LRBA: variants seen among roughly 807,000 people sequenced by gnomAD.
The protein encoded by LRBA is lipopolysaccharide-responsive and beige-like anchor protein.
In LRBA, 176 loss-of-function variants were observed where a neutral mutation model predicts 330.0. The ratio of observed to expected loss-of-function variants is 0.53; its 90% CI spans 0.47 to 0.60. The LOEUF (loss-of-function observed/expected upper bound fraction) is 0.60, where lower values mean the gene tolerates loss of function less well. Among genes scored for constraint, LRBA ranks in the 20% least tolerant of loss-of-function variants. LRBA has a pLI of 0.00. For missense variants in LRBA, 3,259 were observed against 3,444.8 expected (o/e 0.95, Z 1.35); for synonymous variants, 1,230 against 1,193.0 (o/e 1.03, Z -0.64).
chr4:150,267,351 G>T (rs1312512755), intron 56 of LRBA, among the ~76,000 whole-genome samples: 1 of 152,070 alleles, frequency 6.6e-6, no homozygotes, highest in Non-Finnish European at 1.5e-5. Context: ...GATCATAATA[G>T]AATGAAACTA....
intron 23 of LRBA, among the ~76,000 whole-genome samples, chr4:150,851,394 A>G (rs1376900594): frequency 6.6e-6 from 1 of 152,232 alleles, no homozygotes; most frequent in Non-Finnish European, 1.5e-5. Context: ...GCACTGTCTC[A>G]TGGGTCACTC....
At chr4:150,970,560 C>CGTGTGTGTGTGT (rs1561074259) in intron 2 of LRBA, 46 of 21,808 alleles carry the variant, frequency 2.1e-3, no homozygotes, top group African/African-American at 3.3e-3. Context: ...TGTGTGTACA[C>CGTGTGTGTGTGT]ACACACACAC....
At chr4:150,441,626 T>C (rs1751852176) in intron 44 of LRBA, among the ~76,000 whole-genome samples, 1 of 152,038 alleles carries the variant, frequency 6.6e-6, no homozygotes, top group Non-Finnish European at 1.5e-5. Flanking sequence ...ATTTTGTAAT[T>C]TATTAAACAT....
At chr4:150,296,105 G>T (rs2126820542) in intron 53 of LRBA, among the ~76,000 whole-genome samples, 1 of 152,126 alleles carries the variant, frequency 6.6e-6, no homozygotes, top group East Asian at 1.9e-4. Flanking sequence ...CTGAAAATTG[G>T]TTTTATCTAT....
At chr4:150,506,327 AGTAAAATACT>A (rs1761078205) in intron 40 of LRBA, among the ~76,000 whole-genome samples, 1 of 152,242 alleles carries the variant, frequency 6.6e-6, no homozygotes, top group East Asian at 1.9e-4. Context: ...AAAAATCCTC[AGTAAAATACT>A]GGCAAACCAA....
chr4:150,682,286 G>C (rs533987546), intron 37 of LRBA, among the ~76,000 whole-genome samples: 1 of 151,892 alleles, frequency 6.6e-6, no homozygotes, highest in African/African-American at 2.4e-5. Flanking sequence ...CATTCTCCTC[G>C]CCATGGGCTT....
At chr4:150,702,227 T>C (rs72959853) in intron 36 of LRBA, among the ~76,000 whole-genome samples, 5,057 of 151,916 alleles carry the variant, frequency 0.033, 236 homozygotes, top group African/African-American at 0.11. Flanking sequence ...AAATGGGGAG[T>C]TCAATTCAGT....
At chr4:150,976,621 C>G (rs1740207739) in intron 2 of LRBA, among the ~76,000 whole-genome samples, 1 of 152,118 alleles carries the variant, frequency 6.6e-6, no homozygotes, top group Non-Finnish European at 1.5e-5. Flanking sequence ...CACCGATCAT[C>G]GCCGCGACAG....
chr4:150,417,918 T>G (rs1048477416), intron 46 of LRBA, among the ~76,000 whole-genome samples: 1 of 152,154 alleles, frequency 6.6e-6, no homozygotes, highest in Non-Finnish European at 1.5e-5. Flanking sequence ...TATATTTGTC[T>G]GTATCTTCTA....
rs1560909790 is a variant in LRBA at position 150,848,957 on chromosome 4, T to C, written c.4200A>G (p.Ile1400Met). The C allele has an allele frequency of 4.3e-6, 7 of 1,611,480 alleles. No homozygotes were observed. The highest frequency in any genetic ancestry group is 5.9e-6 in the Non-Finnish European group (7 of 1,179,008). The change falls in exon 26 of 57, where the codon ATA (isoleucine) becomes ATG (methionine). Residue 1400 changes from isoleucine to methionine, a missense_variant. Coordinates refer to ENST00000651943, the MANE Select transcript of LRBA (RefSeq NM_001364905.1). The part of the protein sequence containing the change: ...ENIEPTQGLS[I>M]EASVTFLQRL... Reference sequence around the variant, plus strand: ...TCTGCAAAAATGTCACAGAGGCTTCTATTGAAAGGCCTTGAGTAGGTTCAA... The same window carrying C: ...TCTGCAAAAATGTCACAGAGGCTTCCATTGAAAGGCCTTGAGTAGGTTCAA...
At chr4:150,300,393 T>A in intron 53 of LRBA, among the ~76,000 whole-genome samples, 1 of 152,082 alleles carries the variant, frequency 6.6e-6, no homozygotes, top group East Asian at 1.9e-4. Flanking sequence ...TAGGAGGTAA[T>A]GTCCACCATA....
chr4:150,628,898 C>G (rs1777103960), intron 37 of LRBA, among the ~76,000 whole-genome samples: 1 of 152,148 alleles, frequency 6.6e-6, no homozygotes, highest in South Asian at 2.1e-4. Flanking sequence ...TCATTCCTCT[C>G]AAAATTTTTG....
At chr4:150,883,748 C>T (rs1435877740) in intron 17 of LRBA, among the ~76,000 whole-genome samples, 2 of 152,156 alleles carry the variant, frequency 1.3e-5, no homozygotes, top group Non-Finnish European at 2.9e-5. Context: ...ATAAATATTT[C>T]TACCCAGTTT....
intron 30 of LRBA, among the ~76,000 whole-genome samples, chr4:150,820,202 G>C (rs1745218267): frequency 6.6e-6 from 1 of 151,864 alleles, no homozygotes; most frequent in African/African-American, 2.4e-5. Context: ...ACCTCAGAAA[G>C]GTAAAGTAAT....
chr4:150,615,784 T>C (rs1775717122), intron 37 of LRBA, among the ~76,000 whole-genome samples: 1 of 152,056 alleles, frequency 6.6e-6, no homozygotes, highest in African/African-American at 2.4e-5. Flanking sequence ...CCAATCTCCT[T>C]TGCAATTAAG....
intron 2 of LRBA, among the ~76,000 whole-genome samples, chr4:150,996,269 T>C (rs1414544044): frequency 1.3e-5 from 2 of 152,150 alleles, no homozygotes; most frequent in African/African-American, 2.4e-5. Flanking sequence ...AACTATCTGG[T>C]TTAATTCTCA....
rs948669496 is a variant in LRBA, at chr4:150,426,817, TA to T, written c.7041+8771del. On this transcript the variant is annotated intron_variant, in intron 46 of 56. Transcript: ENST00000651943. ...ACTATGACATTCAAAACAAATATAT[TA>T]TTTTTTTTATTAGCAATGACAGTAG... 7.2e-5 allele frequency among the ~76,000 whole-genome samples: 11 copies of T among 151,766 alleles called. No homozygotes were observed. In the East Asian group the frequency reaches 9.6e-4, roughly 13 times the overall value.
intron 17 of LRBA, among the ~76,000 whole-genome samples, chr4:150,887,158 A>G (rs1347419501): frequency 1.3e-5 from 2 of 152,216 alleles, no homozygotes; most frequent in Non-Finnish European, 2.9e-5. Flanking sequence ...CAAAAATGAA[A>G]GCATAAAAGT....
intron 11 of LRBA, 77 bp from the exon 12 acceptor site, chr4:150,906,482 T>G: frequency 4.0e-6 from 3 of 743,348 alleles, no homozygotes; most frequent in South Asian, 3.8e-5. Context: ...GATGTAACCC[T>G]TCCATTCACC....
Sources: gnomAD v4.1 joint callset for allele counts (sites outside exome capture counted in the v4.1 genomes callset) on GRCh38, gnomAD v4.1.1 for gene constraint, MANE v1.5 for transcripts, NCBI Gene and HGNC (gene_info 2026-07-23, HGNC 2026-07-21) for gene names.